MARCHF8: variants seen among roughly 807,000 people sequenced by gnomAD.
MARCHF8 encodes the protein E3 ubiquitin-protein ligase MARCHF8.
Under a neutral mutation model 51.6 loss-of-function variants are expected in MARCHF8, and 40 were observed. That is an observed-to-expected ratio of 0.77 (90% CI 0.60 to 1.01). The LOEUF (loss-of-function observed/expected upper bound fraction) is 1.01. Ranked by LOEUF, MARCHF8 falls within the 50% of genes least tolerant of loss-of-function variation. The pLI is 0.00. For missense variants in MARCHF8, 685 were observed against 708.6 expected, an observed-to-expected ratio of 0.97 and a Z score of 0.38; for synonymous variants, 263 against 280.3, an observed-to-expected ratio of 0.94 and a Z score of 0.62.
chr10:45,512,618 G>C (rs1466228968), intron 2 of MARCHF8, among the ~76,000 whole-genome samples: 6 of 149,378 alleles, frequency 4.0e-5, no homozygotes, highest in African/African-American at 1.2e-4. Flanking sequence ...TCAGCCCCCC[G>C]CCCGGCCAGC....
At chr10:45,552,125 C>T (rs1564513879) in intron 1 of MARCHF8, among the ~76,000 whole-genome samples, 5 of 152,050 alleles carry the variant, frequency 3.3e-5, no homozygotes, top group Non-Finnish European at 7.4e-5. Context: ...TATGACTAAA[C>T]TTTGTATCCT....
At chr10:45,474,810 G>A (rs2042756787) in intron 3 of MARCHF8, among the ~76,000 whole-genome samples, 1 of 152,172 alleles carries the variant, frequency 6.6e-6, no homozygotes, top group Non-Finnish European at 1.5e-5. Flanking sequence ...CCCAGTGTGG[G>A]GAAAGGGGAA....
chr10:45,463,691 T>C lies in MARCHF8; in HGVS notation c.548A>G (p.Lys183Arg), dbSNP rs1390134355. Reference sequence around the variant, plus strand: ...ACACGTATCTTGAGGGAGTATTAATTTCCCTTCAGAACAAGTTCTTTCCAC... The same window carrying C: ...ACACGTATCTTGAGGGAGTATTAATCTCCCTTCAGAACAAGTTCTTTCCAC... ...AYVERTCSEG[K>R]LILPQDTCLR... The change falls in exon 5 of 8, where the codon AAA (lysine) becomes AGA (arginine). Residue 183 changes from lysine to arginine, a missense_variant. Coordinates refer to ENST00000453424, the MANE Select transcript of MARCHF8 (RefSeq NM_001282866.2). 3 of 1,550,884 alleles carry C rather than the reference T, an allele frequency of 1.9e-6. No individual in the cohort carries two copies. The South Asian group carries it at 3.6e-5, about 18-fold the overall frequency.
chr10:45,533,080 A>G, intron 2 of MARCHF8, 30 bp downstream of exon 2: 1 of 1,549,616 alleles, frequency 6.5e-7, no homozygotes, highest in Non-Finnish European at 8.7e-7. Context: ...AATAAAAATA[A>G]TGAAACTAAA....
intron 1 of MARCHF8, among the ~76,000 whole-genome samples, chr10:45,571,088 TATATGAA>T (rs2044423533): frequency 6.6e-6 from 1 of 152,132 alleles, no homozygotes. Context: ...AATATAAAAG[TATATGAA>T]ATATGAAAGT....
At chr10:45,531,907 G>A (rs767293907) in intron 2 of MARCHF8, among the ~76,000 whole-genome samples, 8 of 152,130 alleles carry the variant, frequency 5.3e-5, no homozygotes, top group Non-Finnish European at 1.0e-4. Flanking sequence ...GGGCTCCACT[G>A]GACAAAAATT....
rs143087986 is a variant in MARCHF8, at chr10:45,526,142, C to T, written c.102+6968G>A. ...GTTCAAGATGGCTAACTAGATGCAG[C>T]TAGTACATGCCTCTTCCATGGAAAG... On this transcript the variant is annotated intron_variant, in intron 2 of 7. Transcript: ENST00000453424. 5.3e-4 allele frequency among the ~76,000 whole-genome samples: 81 copies of T among 152,250 alleles called. 1 individual carries two copies. Among genetic ancestry groups the T allele is most frequent in the African/African-American group, 1.9e-3 (79 of 41,544 alleles).
chr10:45,472,559 A>G (rs1243057483), intron 3 of MARCHF8, among the ~76,000 whole-genome samples: 2 of 152,230 alleles, frequency 1.3e-5, no homozygotes. Flanking sequence ...ACACAGGAAC[A>G]TATTCCACCA....
Position 45,457,276 on chromosome 10 carries a change from G to A in MARCHF8, c.*963C>T, listed in dbSNP as rs922768075. On this transcript the variant is annotated 3_prime_UTR_variant, in exon 8 of 8. Coordinates refer to ENST00000453424, the MANE Select transcript of MARCHF8 (RefSeq NM_001282866.2). Reference sequence around the variant, plus strand: ...TACTCACTTCCTTTCCTTCCATTTCGATCTCAGAAACTGTTCTTTTTCAGT... The same window carrying A: ...TACTCACTTCCTTTCCTTCCATTTCAATCTCAGAAACTGTTCTTTTTCAGT... The A allele has an allele frequency of 6.6e-6, 1 of 152,044 alleles. No individual in the cohort carries two copies. Among genetic ancestry groups the A allele is most frequent in the South Asian group, 2.1e-4 (1 of 4,812 alleles). The allele number at this position is 152,044 out of a possible 1,614,324, so 9.4% of individuals were successfully genotyped here.
In MARCHF8 at chr10:45,457,372, T is replaced by G. The variant is rs985443930; in HGVS notation, c.*867A>C. 1.3e-5 allele frequency: 2 copies of G among 152,160 alleles called. No individual in the cohort carries two copies. Among genetic ancestry groups the G allele is most frequent in the Admixed American group, 1.3e-4 (2 of 15,274 alleles). The allele number at this position is 152,160 out of a possible 1,614,324, so 9.4% of individuals were successfully genotyped here. A position where few individuals can be genotyped will look rare whatever the true frequency, so the allele number is the denominator to read the frequency against. On this transcript the variant is annotated 3_prime_UTR_variant, in exon 8 of 8. Transcript: ENST00000453424. ...TTGTCATAAAACAGGCTCAAAAGCA[T>G]AGGAATCATGCTTTAATTGCCATTT...
At chr10:45,476,125 T>TG (rs1317912099) in intron 3 of MARCHF8, among the ~76,000 whole-genome samples, 2 of 152,176 alleles carry the variant, frequency 1.3e-5, no homozygotes, top group African/African-American at 4.8e-5. Context: ...ACACCAGACG[T>TG]GCAGAGATTA....
At chr10:45,464,472 G>A in intron 3 of MARCHF8, 145 bp from the exon 4 acceptor site, 1 of 662,160 alleles carries the variant, frequency 1.5e-6, no homozygotes, top group South Asian at 1.8e-5. Context: ...ATCCTTCTAA[G>A]CCTTGGCAAA....
chr10:45,481,931 T>C (rs2042894331), intron 3 of MARCHF8, among the ~76,000 whole-genome samples: 1 of 152,084 alleles, frequency 6.6e-6, no homozygotes, highest in Non-Finnish European at 1.5e-5. Flanking sequence ...ACCTAAAGGC[T>C]CCATTAGAAA....
rs370168181 is a variant in MARCHF8 at position 45,507,466 on chromosome 10, GAGA to G, written c.103-18052_103-18050del. Among the ~76,000 whole-genome samples the G allele has an allele frequency of 1.0e-2, 1,522 of 152,272 alleles. 21 individuals are homozygous for G. Among genetic ancestry groups the G allele is most frequent in the Non-Finnish European group, 0.017 (1,181 of 68,014 alleles). Reference sequence around the variant, plus strand: ...AGAAGCTTCCCATTCATGATACAGGGAGAAGGAGAACAGAGATTACAAGGTGAG... The same window carrying G: ...AGAAGCTTCCCATTCATGATACAGGGAGGAGAACAGAGATTACAAGGTGAG... On this transcript the variant is annotated intron_variant, in intron 2 of 7. Transcript: ENST00000453424.
intron 6 of MARCHF8, chr10:45,459,733 C>T (rs1317576758): frequency 6.1e-6 from 6 of 985,314 alleles, no homozygotes; most frequent in Non-Finnish European, 7.2e-6. Flanking sequence ...TGGCAGAAGA[C>T]GCTCACTCTT....
intron 2 of MARCHF8, among the ~76,000 whole-genome samples, chr10:45,500,778 TAACAATAGC>T: frequency 6.6e-6 from 1 of 151,980 alleles, no homozygotes; most frequent in East Asian, 1.9e-4. Flanking sequence ...CCTAAGGTAT[TAACAATAGC>T]AACAACAAAG....
chr10:45,543,660 C>A (rs1056881105), intron 1 of MARCHF8, among the ~76,000 whole-genome samples: 2 of 151,636 alleles, frequency 1.3e-5, no homozygotes, highest in Admixed American at 1.3e-4. Flanking sequence ...TAGCCGGGCA[C>A]GGTGGCGGGC....
chr10:45,570,333 C>T (rs2044415284), intron 1 of MARCHF8, among the ~76,000 whole-genome samples: 1 of 152,024 alleles, frequency 6.6e-6, no homozygotes, highest in Admixed American at 6.5e-5. Context: ...CAGTATTTAT[C>T]CCAGGAATAT....
At chr10:45,501,580 T>A (rs1168978574) in intron 2 of MARCHF8, among the ~76,000 whole-genome samples, 1 of 152,088 alleles carries the variant, frequency 6.6e-6, no homozygotes, top group East Asian at 1.9e-4. Flanking sequence ...GGATTTAAGG[T>A]TGGGCAAAGA....
Sources: allele counts gnomAD v4.1 joint callset (sites outside exome capture counted in the v4.1 genomes callset), GRCh38; gene constraint gnomAD v4.1.1; transcripts MANE v1.5; gene names NCBI Gene and HGNC (gene_info 2026-07-23, HGNC 2026-07-21).